The following PDE10A variants were observed in gnomAD, a reference collection of about 807,000 sequenced individuals.
PDE10A encodes phosphodiesterase 10A.
PDE10A carries 39 observed loss-of-function variants against 97.7 expected under a neutral mutation model. The observed-to-expected ratio is 0.40, with a 90% CI of 0.31 to 0.52. PDE10A has a LOEUF of 0.52. Ranked by LOEUF, PDE10A falls within the 20% of genes least tolerant of loss-of-function variation. PDE10A has a pLI of 0.56. For synonymous variants in PDE10A, 371 were observed against 376.8 expected (o/e 0.98, Z 0.18); for missense variants, 731 against 1,047.8 (o/e 0.70, Z 4.17).
At position 165,662,462 on chromosome 6, in the gene PDE10A, T is replaced by A. The variant is rs1468362301; in HGVS notation, c.350A>T (p.Tyr117Phe). 1 of 133,432 alleles carries A rather than the reference T, an allele frequency of 7.5e-6. No homozygotes were observed. The highest frequency in any genetic ancestry group is 1.6e-5 in the Non-Finnish European group (1 of 62,024). The allele number at this position is 133,432 out of a possible 1,614,324, so 8.3% of individuals were successfully genotyped here. Residue 117 changes from tyrosine (Y) to phenylalanine (F), a missense_variant, in exon 1 of 22, where the codon TAC (tyrosine) becomes TTC (phenylalanine). Tyr to Phe is a conservative substitution (Grantham distance 22). Coordinates refer to ENST00000539869, the MANE Select transcript of PDE10A (RefSeq NM_001385079.1). The part of the protein sequence containing the change: ...RVPSSSPSFF[Y>F]FWPPPPPPPP... ...GGGCGGGGGGGGCGGCGGCCAGAAG[T>A]AAAAGAAAGATGGAGAGGAGGAGGG...
At chr6:165,355,485 T>A (rs1782967046) in intron 18 of PDE10A, among the ~76,000 whole-genome samples, 1 of 152,218 alleles carries the variant, frequency 6.6e-6, no homozygotes, top group Non-Finnish European at 1.5e-5. Context: ...TTGCTCAAAC[T>A]AACATTTGTG....
At chr6:165,502,291 G>A (rs1241712554) in intron 2 of PDE10A, among the ~76,000 whole-genome samples, 1 of 152,230 alleles carries the variant, frequency 6.6e-6, no homozygotes, top group Non-Finnish European at 1.5e-5. Context: ...TAAATACTTT[G>A]GCTCTTCAAG....
chr6:165,516,103 CA>C (rs1268162123), intron 2 of PDE10A, among the ~76,000 whole-genome samples: 2 of 152,110 alleles, frequency 1.3e-5, no homozygotes, highest in Admixed American at 1.3e-4. Context: ...AATAATATTC[CA>C]AATAGTTTCC....
At chr6:165,943,484 A>C (rs1168168040) in intron 1 of PDE10A, among the ~76,000 whole-genome samples, 1 of 152,144 alleles carries the variant, frequency 6.6e-6, no homozygotes, top group Non-Finnish European at 1.5e-5. Flanking sequence ...ACACTGGAGA[A>C]CTGATGCTGT....
At chr6:165,879,882 A>G (rs1013067788) in intron 1 of PDE10A, among the ~76,000 whole-genome samples, 2 of 150,920 alleles carry the variant, frequency 1.3e-5, no homozygotes, top group Non-Finnish European at 2.9e-5. Context: ...CGTGTCTCCA[A>G]ATTAGGTCAC....
intron 1 of PDE10A, among the ~76,000 whole-genome samples, chr6:165,843,166 G>C (rs1046647914): frequency 6.6e-6 from 1 of 152,200 alleles, no homozygotes; most frequent in Non-Finnish European, 1.5e-5. Flanking sequence ...CCCAGGTCCC[G>C]TCTAAGGCTA....
At chr6:165,849,905 C>T (rs1780530232) in intron 1 of PDE10A, among the ~76,000 whole-genome samples, 1 of 152,172 alleles carries the variant, frequency 6.6e-6, no homozygotes, top group Non-Finnish European at 1.5e-5. Flanking sequence ...AATAAGCAGC[C>T]CACGTACTTT....
At chr6:165,426,335 C>A (rs533453780) in intron 10 of PDE10A, among the ~76,000 whole-genome samples, 1 of 152,140 alleles carries the variant, frequency 6.6e-6, no homozygotes, top group Admixed American at 6.5e-5. Flanking sequence ...TTACCACAGA[C>A]ATATAGAGCA....
At chr6:165,713,932 A>G (rs1385955066) in intron 1 of PDE10A, among the ~76,000 whole-genome samples, 1 of 152,204 alleles carries the variant, frequency 6.6e-6, no homozygotes, top group Admixed American at 6.5e-5. Flanking sequence ...AGTATTTTGG[A>G]TTGAAACACA....
At chr6:165,540,905 T>G (rs1346184863) in intron 2 of PDE10A, among the ~76,000 whole-genome samples, 1 of 152,122 alleles carries the variant, frequency 6.6e-6, no homozygotes, top group African/African-American at 2.4e-5. Context: ...GTTGGGATTA[T>G]AGGCATAAGT....
chr6:165,415,728 ATTAAGTAAC>A (rs1478706955), intron 12 of PDE10A, among the ~76,000 whole-genome samples: 1 of 152,214 alleles, frequency 6.6e-6, no homozygotes, highest in Non-Finnish European at 1.5e-5. Flanking sequence ...GCTCAGAGAG[ATTAAGTAAC>A]TTATGCTAGG....
chr6:165,556,342 A>G (rs543618296), intron 1 of PDE10A, among the ~76,000 whole-genome samples: 3 of 152,310 alleles, frequency 2.0e-5, no homozygotes, highest in African/African-American at 7.2e-5. Context: ...ACGGGTAAAA[A>G]CAGGAAAAGA....
chr6:165,731,163 G>A (rs1227733126), intron 1 of PDE10A, among the ~76,000 whole-genome samples: 1 of 152,206 alleles, frequency 6.6e-6, no homozygotes, highest in Non-Finnish European at 1.5e-5. Flanking sequence ...CGGCCTCGTG[G>A]CCCCCGGAGG....
rs1787737830 is a variant in PDE10A, at chr6:165,410,956, CGGT to C, written c.2076+2542_2076+2544del. Among the ~76,000 whole-genome samples, 5 of 30,260 alleles carry C rather than the reference CGGT, an allele frequency of 1.7e-4. 1 individual carries two copies. The highest frequency in any genetic ancestry group is 6.5e-4 in the Admixed American group (2 of 3,064). The allele number at this position is 30,260 out of a possible 152,430, so 19.9% of individuals were successfully genotyped here. On this transcript the variant is annotated intron_variant, in intron 13 of 21. Transcript: ENST00000539869. ...ACAAAAAAATAGCCGGGCGTGGTGG[CGGT>C]GCCTGTAGTCCCAGCTACTCGGGAG...
chr6:165,469,897 G>A (rs768350150), intron 3 of PDE10A, among the ~76,000 whole-genome samples: 2 of 152,102 alleles, frequency 1.3e-5, no homozygotes, highest in African/African-American at 4.8e-5. Context: ...CCAAAGCCTG[G>A]CTTTAAGAAA....
chr6:165,423,082 T>C (rs959833792), intron 10 of PDE10A, among the ~76,000 whole-genome samples: 1 of 152,146 alleles, frequency 6.6e-6, no homozygotes, highest in Non-Finnish European at 1.5e-5. Flanking sequence ...ATTGCTGCCA[T>C]CATGTAAAGA....
At chr6:165,513,583 G>A (rs1781627160) in intron 2 of PDE10A, among the ~76,000 whole-genome samples, 1 of 151,994 alleles carries the variant, frequency 6.6e-6, no homozygotes, top group Admixed American at 6.6e-5. Flanking sequence ...AAGACCTGCG[G>A]GGATTTTCAT....
chr6:165,956,485 G>T (rs1784137742), intron 1 of PDE10A, among the ~76,000 whole-genome samples: 1 of 152,176 alleles, frequency 6.6e-6, no homozygotes, highest in African/African-American at 2.4e-5. Flanking sequence ...CATAAGAAAA[G>T]CAAATTAATA....
At chr6:165,920,529 T>A (rs118006269) in intron 1 of PDE10A, among the ~76,000 whole-genome samples, 2,548 of 149,672 alleles carry the variant, frequency 0.017, 41 homozygotes, top group Non-Finnish European at 0.025. Flanking sequence ...ATGCTTATCT[T>A]CTAAGACTGG....
Sources: allele counts gnomAD v4.1 joint callset (sites outside exome capture counted in the v4.1 genomes callset), GRCh38; gene constraint gnomAD v4.1.1; transcripts MANE v1.5; gene names NCBI Gene and HGNC (gene_info 2026-07-23, HGNC 2026-07-21).